The following ASTN1 variants were observed in gnomAD, a reference collection of about 807,000 sequenced individuals.
ASTN1 encodes the protein astrotactin-1.
ASTN1 carries 41 observed loss-of-function variants against 140.7 expected under a neutral mutation model. The observed-to-expected ratio is 0.29, with a 90% CI of 0.23 to 0.38. ASTN1 has a LOEUF of 0.38. ASTN1 is among the 10% of genes least tolerant of loss of function. ASTN1 has a pLI of 1.00. For synonymous variants in ASTN1, 640 were observed against 652.2 expected (o/e 0.98, Z 0.29); for missense variants, 1,479 against 1,678.8 (o/e 0.88, Z 2.08).
intron 1 of ASTN1, among the ~76,000 whole-genome samples, chr1:177,062,544 C>G (rs1409107857): frequency 7.8e-6 from 1 of 128,730 alleles, no homozygotes; most frequent in Admixed American, 7.9e-5. Context: ...ATGGCCTGGC[C>G]TTTTTTTTTT....
intron 1 of ASTN1, among the ~76,000 whole-genome samples, chr1:177,156,350 AT>A (rs1479268792): frequency 6.6e-6 from 1 of 151,816 alleles, no homozygotes; most frequent in African/African-American, 2.4e-5. Flanking sequence ...GGCAGGTAAT[AT>A]GCAAGATGAC....
In ASTN1 at chr1:176,876,544, C is replaced by T. The variant is rs771635448; in HGVS notation, c.3456G>A (p.Lys1152=). ...AACTTCGATGTCTCTTACCTTGAGC[C>T]TTGACATCATCCACCACGGGGCATG... ...KTPCPVVDDV[K]AQEIADKIYN... is the part of the protein sequence containing the mutation. Residue 1152 remains lysine (K), a synonymous_variant, in exon 21 of 23, where the codon AAG becomes AAA. Transcript: ENST00000361833. The T allele has an allele frequency of 5.6e-6, 9 of 1,614,030 alleles. No homozygotes were observed. Among genetic ancestry groups the T allele is most frequent in the East Asian group, 2.2e-5 (1 of 44,884 alleles).
Position 176,894,660 on chromosome 1 carries a change from C to T in ASTN1, c.2842G>A (p.Val948Met). ...RCPSSCPLCH[V>M]TSSPDTPAEP... The stretch of plus-strand genomic sequence containing the variant: ...GCAGGGGTGTCAGGGCTGGATGTCA[C>T]ATGACACAGGGGGCAGGACGAGGGG... Residue 948 changes from valine to methionine, a missense_variant, in exon 17 of 23, where the codon GTG (valine) becomes ATG (methionine). By Grantham distance (21) the Val-to-Met change is conservative. Around this residue, in one of 3 missense-constraint regions of ASTN1, gnomAD observed 746 missense variants for 800.9 expected, o/e 0.93. Coordinates refer to ENST00000361833, the MANE Select transcript of ASTN1 (RefSeq NM_004319.3). 1.2e-6 allele frequency: 2 copies of T among 1,614,152 alleles called. No individual in the cohort carries two copies. The highest frequency in any genetic ancestry group is 8.5e-7 in the Non-Finnish European group (1 of 1,180,032).
intron 5 of ASTN1, among the ~76,000 whole-genome samples, chr1:177,025,774 C>G (rs1187435736): frequency 1.3e-5 from 2 of 152,166 alleles, no homozygotes; most frequent in Non-Finnish European, 2.9e-5. Flanking sequence ...GAAAATAGAT[C>G]TGTAAGAGTT....
At chr1:177,063,138 C>T (rs945082802) in intron 1 of ASTN1, among the ~76,000 whole-genome samples, 53 of 152,064 alleles carry the variant, frequency 3.5e-4, no homozygotes, top group African/African-American at 1.2e-3. Flanking sequence ...TCAGCTGGTC[C>T]GCTAAGGGTA....
intron 1 of ASTN1, among the ~76,000 whole-genome samples, chr1:177,069,934 T>A (rs975477517): frequency 6.6e-6 from 1 of 152,136 alleles, no homozygotes; most frequent in Admixed American, 6.5e-5. Flanking sequence ...GGTAAAAGGA[T>A]TTTTTACTTA....
rs901051976 is a variant in ASTN1 at position 176,936,379 on chromosome 1, A to G, written c.2378-9T>C. On this transcript the variant is annotated splice_polypyrimidine_tract_variant and intron_variant, in intron 14 of 22. Transcript: ENST00000361833. ...ACTGAAGTTCACCATCCCTAAGGACAGAAGAGATGTAAGCTGAGTTCTGAT... is the reference window on the plus strand; with the variant it reads ...ACTGAAGTTCACCATCCCTAAGGACGGAAGAGATGTAAGCTGAGTTCTGAT... 1.9e-6 allele frequency: 3 copies of G among 1,606,686 alleles called. No homozygotes were observed. The highest frequency in any genetic ancestry group is 1.7e-6 in the Non-Finnish European group (2 of 1,176,090).
chr1:176,911,265 T>A (rs935693335), intron 16 of ASTN1, among the ~76,000 whole-genome samples: 1 of 152,106 alleles, frequency 6.6e-6, no homozygotes, highest in Non-Finnish European at 1.5e-5. Context: ...GGTGAGTGAA[T>A]GTGAAGGCCT....
chr1:176,894,751 C>G lies in ASTN1; in HGVS notation c.2751G>C (p.Leu917Phe), dbSNP rs1012357247. 5.6e-6 allele frequency: 9 copies of G among 1,614,076 alleles called. No individual in the cohort carries two copies. The highest frequency in any genetic ancestry group is 7.6e-6 in the Non-Finnish European group (9 of 1,180,052). Reference sequence around the variant, plus strand: ...CCATGTGCTTGGTGCCGGAGTCTGACAAGCTGGTGATGTATTCTGGGAATG... The same window carrying G: ...CCATGTGCTTGGTGCCGGAGTCTGAGAAGCTGGTGATGTATTCTGGGAATG... ...VLTFPEYITSLSDSGTKHMAA... is the reference protein window; with the variant it reads ...VLTFPEYITSFSDSGTKHMAA... Residue 917 changes from leucine (L) to phenylalanine (F), a missense_variant, in exon 17 of 23, where the codon TTG becomes TTC. By Grantham distance (22) the Leu-to-Phe change is conservative. Transcript: ENST00000361833.
At chr1:177,118,395 G>T (rs1044312157) in intron 1 of ASTN1, among the ~76,000 whole-genome samples, 8 of 152,074 alleles carry the variant, frequency 5.3e-5, no homozygotes, top group Admixed American at 1.3e-4. Context: ...TGATCCTAGG[G>T]GGGCTGTGGA....
At chr1:176,928,994 C>A (rs1421477261) in intron 16 of ASTN1, among the ~76,000 whole-genome samples, 1 of 152,116 alleles carries the variant, frequency 6.6e-6, no homozygotes, top group Non-Finnish European at 1.5e-5. Context: ...CTTTAGAGAG[C>A]AAATCTCTGA....
chr1:177,081,709 CT>C (rs1278416692), intron 1 of ASTN1, among the ~76,000 whole-genome samples: 3 of 152,102 alleles, frequency 2.0e-5, no homozygotes, highest in Non-Finnish European at 4.4e-5. Context: ...AGATGGGGAG[CT>C]CACCAGAGGC....
At chr1:176,934,362 G>T in intron 15 of ASTN1, 22 bp from the exon 16 acceptor site, 1 of 1,576,534 alleles carries the variant, frequency 6.3e-7, no homozygotes, top group South Asian at 1.1e-5. Flanking sequence ...CATCACCCAA[G>T]GGTAAGAATG....
At position 176,936,484 on chromosome 1, in the gene ASTN1, A is replaced by G. The variant is rs570756006; in HGVS notation, c.2378-114T>C. 1.8e-3 allele frequency: 1,336 copies of G among 761,676 alleles called. 2 individuals are homozygous for G. The highest frequency in any genetic ancestry group is 2.5e-3 in the Non-Finnish European group (1,208 of 474,024). 47.2% of individuals were successfully genotyped at this position (761,676 alleles called of 1,614,324 possible). On this transcript the variant is annotated intron_variant, in intron 14 of 22. Coordinates refer to ENST00000361833, the MANE Select transcript of ASTN1 (RefSeq NM_004319.3). ...GTTGTAATTGTGAGAAAATGATTAA[A>G]TGTTCTTTGATGAAGAGAATTTCTG...
At chr1:176,997,584 T>G (rs1239154985) in intron 8 of ASTN1, among the ~76,000 whole-genome samples, 1 of 152,030 alleles carries the variant, frequency 6.6e-6, no homozygotes, top group Non-Finnish European at 1.5e-5. Flanking sequence ...GATGTGTCCC[T>G]GTGAGTCCAT....
chr1:176,897,896 A>C (rs1054925363), intron 16 of ASTN1, among the ~76,000 whole-genome samples: 3 of 151,994 alleles, frequency 2.0e-5, no homozygotes, highest in Non-Finnish European at 2.9e-5. Context: ...ATCCCCAAAT[A>C]CCCAGGCATG....
chr1:176,921,329 G>A (rs1381908589), intron 16 of ASTN1, among the ~76,000 whole-genome samples: 7 of 152,156 alleles, frequency 4.6e-5, no homozygotes, highest in South Asian at 2.1e-4. Context: ...AACTAGAAAC[G>A]GAAAGAAAAT....
intron 8 of ASTN1, among the ~76,000 whole-genome samples, chr1:176,996,880 A>C (rs1200236337): frequency 6.6e-6 from 1 of 152,176 alleles, no homozygotes; most frequent in Non-Finnish European, 1.5e-5. Context: ...TGCCCCATGG[A>C]AAATGCAATT....
chr1:177,118,356 G>A (rs568251857), intron 1 of ASTN1, among the ~76,000 whole-genome samples: 155 of 152,246 alleles, frequency 1.0e-3, no homozygotes, highest in African/African-American at 3.6e-3. Context: ...GAATTAACAT[G>A]CACAGAGTGT....
Sources: allele counts gnomAD v4.1 joint callset (sites outside exome capture counted in the v4.1 genomes callset), GRCh38; gene constraint gnomAD v4.1.1; regional missense constraint gnomAD v4.1.1; transcripts MANE v1.5; gene names NCBI Gene and HGNC (gene_info 2026-07-23, HGNC 2026-07-21).